CDH12: variants seen among roughly 807,000 people sequenced by gnomAD.
The protein encoded by CDH12 is cadherin 12.
In CDH12, 41 loss-of-function variants were observed where a neutral mutation model predicts 74.1. That is an observed-to-expected ratio of 0.55 (90% confidence interval 0.43 to 0.72). The LOEUF (loss-of-function observed/expected upper bound fraction) is 0.72. Ranked by LOEUF, CDH12 falls within the 30% of genes least tolerant of loss-of-function variation. CDH12 has a pLI of 0.00. For missense variants in CDH12, 945 were observed against 977.2 expected (o/e 0.97, Z 0.44); for synonymous variants, 399 against 355.0 (o/e 1.12, Z -1.39).
intron 1 of CDH12, among the ~76,000 whole-genome samples, chr5:22,748,604 C>A (rs1360204950): frequency 1.3e-5 from 2 of 152,066 alleles, no homozygotes; most frequent in Admixed American, 6.5e-5. Flanking sequence ...GGAAGAAAAG[C>A]ACACTTTTAA....
intron 1 of CDH12, among the ~76,000 whole-genome samples, chr5:22,673,451 G>T (rs997369143): frequency 2.7e-4 from 41 of 152,088 alleles, no homozygotes; most frequent in African/African-American, 9.4e-4. Flanking sequence ...CTTGATTAAT[G>T]TTAACTTTGC....
chr5:22,140,360 G>T (rs1172203393), intron 4 of CDH12, among the ~76,000 whole-genome samples: 1 of 151,816 alleles, frequency 6.6e-6, no homozygotes, highest in Admixed American at 6.6e-5. Flanking sequence ...TGAGAGTTTT[G>T]ATTACATAAG....
intron 2 of CDH12, among the ~76,000 whole-genome samples, chr5:22,503,767 A>G (rs1736272168): frequency 6.6e-6 from 1 of 152,078 alleles, no homozygotes; most frequent in South Asian, 2.1e-4. Context: ...TGGGAGGAGT[A>G]TGAGTCTCTT....
intron 4 of CDH12, among the ~76,000 whole-genome samples, chr5:22,182,336 T>C (rs1749693160): frequency 6.6e-6 from 1 of 152,184 alleles, no homozygotes; most frequent in Non-Finnish European, 1.5e-5. Context: ...CCTCAATATA[T>C]GCATTCCACA....
chr5:22,159,395 T>A (rs2150317483), intron 4 of CDH12, among the ~76,000 whole-genome samples: 1 of 152,282 alleles, frequency 6.6e-6, no homozygotes, highest in East Asian at 1.9e-4. Flanking sequence ...TAGAAAATGG[T>A]GCATGGGTAA....
chr5:22,450,872 A>T (rs1050695890), intron 2 of CDH12, among the ~76,000 whole-genome samples: 1 of 134,104 alleles, frequency 7.5e-6, no homozygotes, highest in Non-Finnish European at 1.6e-5. Context: ...CCACCTAATA[A>T]GCCACTTTTT....
At chr5:21,896,791 T>C (rs1488010061) in intron 6 of CDH12, among the ~76,000 whole-genome samples, 3 of 152,160 alleles carry the variant, frequency 2.0e-5, no homozygotes, top group Non-Finnish European at 2.9e-5. Flanking sequence ...AATGAGACTA[T>C]AGATTGACGA....
At chr5:21,797,155 G>A (rs575701842) in intron 10 of CDH12, among the ~76,000 whole-genome samples, 1 of 151,920 alleles carries the variant, frequency 6.6e-6, no homozygotes, top group Non-Finnish European at 1.5e-5. Context: ...CCTTGGTTGT[G>A]GCATTGATGT....
intron 3 of CDH12, among the ~76,000 whole-genome samples, chr5:22,354,196 A>T (rs1486404272): frequency 6.6e-6 from 1 of 152,200 alleles, no homozygotes; most frequent in African/African-American, 2.4e-5. Context: ...GTGGGGAATA[A>T]TGGAAATGAA....
intron 3 of CDH12, among the ~76,000 whole-genome samples, chr5:22,300,648 T>C (rs1359641281): frequency 6.6e-6 from 1 of 152,204 alleles, no homozygotes; most frequent in Admixed American, 6.5e-5. Flanking sequence ...TTCAGCATAA[T>C]GCTGTGAAAT....
At chr5:22,675,527 A>G (rs576473086) in intron 1 of CDH12, among the ~76,000 whole-genome samples, 1 of 152,220 alleles carries the variant, frequency 6.6e-6, no homozygotes, top group South Asian at 2.1e-4. Flanking sequence ...GTCTCAGATG[A>G]GACTTTGGAC....
intron 6 of CDH12, chr5:21,883,069 A>G (rs1579902678): frequency 1.2e-6 from 2 of 1,610,408 alleles, no homozygotes; most frequent in East Asian, 4.5e-5. Context: ...AAGCAGTCTA[A>G]ACCTGTGACC....
At chr5:22,390,607 T>C (rs532715253) in intron 3 of CDH12, among the ~76,000 whole-genome samples, 61 of 151,410 alleles carry the variant, frequency 4.0e-4, no homozygotes, top group African/African-American at 1.5e-3. Context: ...GATAGATAGA[T>C]AGATAGATAG....
At chr5:22,230,473 A>AT (rs35066570) in intron 3 of CDH12, among the ~76,000 whole-genome samples, 54,644 of 133,468 alleles carry the variant, frequency 0.41, 12,419 homozygotes, top group Non-Finnish European at 0.52. Flanking sequence ...AGATGTCATA[A>AT]TTTTTTTTTT....
intron 5 of CDH12, among the ~76,000 whole-genome samples, chr5:21,985,848 A>G (rs1294744800): frequency 6.6e-6 from 1 of 152,182 alleles, no homozygotes; most frequent in Non-Finnish European, 1.5e-5. Flanking sequence ...TAGATGAAAG[A>G]AGATCAGACC....
chr5:22,776,500 A>G (rs17359069), intron 1 of CDH12, among the ~76,000 whole-genome samples: 8,051 of 152,238 alleles, frequency 0.053, 304 homozygotes, highest in South Asian at 0.11. Context: ...GGTAATGCCT[A>G]TGATAATTGC....
At chr5:22,815,699 G>T (rs183776041) in intron 1 of CDH12, among the ~76,000 whole-genome samples, 1 of 145,948 alleles carries the variant, frequency 6.9e-6, no homozygotes, top group East Asian at 2.0e-4. Context: ...GAACCTGGGA[G>T]ATACAGTTTG....
At chr5:22,428,162 A>G (rs911726666) in intron 2 of CDH12, among the ~76,000 whole-genome samples, 2 of 151,392 alleles carry the variant, frequency 1.3e-5, no homozygotes, top group Middle Eastern at 6.8e-3. Context: ...AGATAGATAT[A>G]TAGATGACAG....
intron 5 of CDH12, among the ~76,000 whole-genome samples, chr5:22,042,165 A>G (rs192826802): frequency 6.6e-6 from 1 of 152,304 alleles, no homozygotes; most frequent in East Asian, 1.9e-4. Context: ...CAGGATTCAG[A>G]GGAAAGTTTA....
Sources: allele counts gnomAD v4.1 joint callset (sites outside exome capture counted in the v4.1 genomes callset), GRCh38; gene constraint gnomAD v4.1.1; transcripts MANE v1.5; gene names NCBI Gene and HGNC (gene_info 2026-07-23, HGNC 2026-07-21).